The following WDFY2 variants were observed in gnomAD, a reference collection of about 807,000 sequenced individuals.
WDFY2 encodes the protein WD repeat and FYVE domain-containing protein 2.
Under a neutral mutation model 56.4 loss-of-function variants are expected in WDFY2, and 36 were observed. The ratio of observed to expected loss-of-function variants is 0.64; its 90% CI spans 0.49 to 0.84. The LOEUF (loss-of-function observed/expected upper bound fraction) is 0.84. WDFY2 is among the 40% of genes least tolerant of loss of function. WDFY2 has a pLI of 0.00. For synonymous variants in WDFY2, 176 were observed against 183.7 expected, an observed-to-expected ratio of 0.96 and a Z score of 0.34; for missense variants, 444 against 512.2, an observed-to-expected ratio of 0.87 and a Z score of 1.29.
intron 1 of WDFY2, among the ~76,000 whole-genome samples, chr13:51,602,050 A>G (rs928946169): frequency 6.6e-6 from 1 of 152,242 alleles, no homozygotes; most frequent in Non-Finnish European, 1.5e-5. Context: ...TTTGAGTTAT[A>G]TTAGGAAAAG....
intron 3 of WDFY2, among the ~76,000 whole-genome samples, chr13:51,690,185 T>C (rs908420957): frequency 4.0e-3 from 10 of 2,512 alleles, no homozygotes; most frequent in Non-Finnish European, 0.031. Context: ...TTTAGATCAT[T>C]ATATATATAT....
chr13:51,696,932 A>G (rs942158365), intron 3 of WDFY2, among the ~76,000 whole-genome samples: 8 of 152,334 alleles, frequency 5.3e-5, no homozygotes, highest in African/African-American at 1.9e-4. Context: ...ATGACAGAGA[A>G]AGGAAAATAT....
At chr13:51,607,315 A>C (rs1954401406) in intron 1 of WDFY2, among the ~76,000 whole-genome samples, 1 of 152,200 alleles carries the variant, frequency 6.6e-6, no homozygotes, top group South Asian at 2.1e-4. Flanking sequence ...ATGTGTTCAC[A>C]TGGTAGAAAG....
At chr13:51,587,611 C>T (rs1953969372) in intron 1 of WDFY2, 1 of 152,220 alleles carries the variant, frequency 6.6e-6, no homozygotes, top group South Asian at 2.1e-4. Flanking sequence ...ATTCCGTCAA[C>T]AAACATTTGA....
intron 3 of WDFY2, among the ~76,000 whole-genome samples, chr13:51,692,875 T>C (rs2138550937): frequency 6.6e-6 from 1 of 152,300 alleles, no homozygotes; most frequent in East Asian, 1.9e-4. Flanking sequence ...TTTCAGAGCC[T>C]GTTATTGGTC....
At chr13:51,712,308 G>T (rs1026071498) in intron 4 of WDFY2, among the ~76,000 whole-genome samples, 6 of 152,256 alleles carry the variant, frequency 3.9e-5, no homozygotes, top group African/African-American at 1.4e-4. Flanking sequence ...GGTGTGGGGG[G>T]AGCGGGGAGG....
intron 1 of WDFY2, among the ~76,000 whole-genome samples, chr13:51,604,577 C>A (rs1954350518): frequency 6.6e-6 from 1 of 152,114 alleles, no homozygotes; most frequent in South Asian, 2.1e-4. Context: ...ACAATGCTGT[C>A]CCGTATGGTA....
intron 1 of WDFY2, among the ~76,000 whole-genome samples, chr13:51,614,159 C>T (rs12430423): frequency 2.2e-5 from 3 of 139,168 alleles, no homozygotes; most frequent in African/African-American, 8.2e-5. Context: ...GCACCCCAGC[C>T]TGGGCGACAG....
At chr13:51,696,109 C>T (rs1951869758) in intron 3 of WDFY2, among the ~76,000 whole-genome samples, 1 of 152,228 alleles carries the variant, frequency 6.6e-6, no homozygotes, top group African/African-American at 2.4e-5. Flanking sequence ...AAAGGGAACT[C>T]CCTGACCCCT....
At position 51,644,692 on chromosome 13, in the gene WDFY2, G is replaced by T. The variant is rs1285903606; in HGVS notation, c.138-15904G>T. ...CATACCTCTTCTCTAGCCACTGATT[G>T]CTGAGTTGCTACAGCTGTGAGGAAA... is the stretch of plus-strand genomic sequence containing the variant. On this transcript the variant is annotated intron_variant, in intron 1 of 11. Transcript: ENST00000298125. Among the ~76,000 whole-genome samples, 4 of 152,172 alleles carry T rather than the reference G, an allele frequency of 2.6e-5. No individual in the cohort carries two copies. The East Asian group carries it at 7.7e-4, about 29-fold the overall frequency.
chr13:51,598,687 AT>A, intron 1 of WDFY2: 1 of 152,310 alleles, frequency 6.6e-6, no homozygotes, highest in African/African-American at 2.4e-5. Flanking sequence ...CCAAAGAAAT[AT>A]ATATGGTTAT....
intron 4 of WDFY2, among the ~76,000 whole-genome samples, chr13:51,714,368 C>T (rs866149732): frequency 1.3e-5 from 2 of 151,804 alleles, no homozygotes; most frequent in South Asian, 2.1e-4. Flanking sequence ...CTTGGCTCAC[C>T]GCAACCTCTG....
Position 51,719,288 on chromosome 13 carries a change from G to T in WDFY2, c.425G>T (p.Cys142Phe). Residue 142 changes from cysteine to phenylalanine, a missense_variant, in exon 5 of 12, where the codon TGC (cysteine) becomes TTC (phenylalanine). Transcript: ENST00000298125. ...CAGGACAAGCAATTTGCCTGGCACTGCTCTGAGAGTGGGCAGCGCCTGGGA... is the reference window on the plus strand; with the variant it reads ...CAGGACAAGCAATTTGCCTGGCACTTCTCTGAGAGTGGGCAGCGCCTGGGA... ...TGQDKQFAWH[C>F]SESGQRLGGY... 6.2e-7 allele frequency: 1 copy of T among 1,614,074 alleles called. No homozygotes were observed. The highest frequency in any genetic ancestry group is 8.5e-7 in the Non-Finnish European group (1 of 1,179,966).
At chr13:51,712,210 C>G (rs1197970638) in intron 4 of WDFY2, among the ~76,000 whole-genome samples, 1 of 152,136 alleles carries the variant, frequency 6.6e-6, no homozygotes, top group Non-Finnish European at 1.5e-5. Context: ...GAAAACCAAG[C>G]ACCGTATCTT....
rs766596695 is a variant in WDFY2, at chr13:51,759,815, T to C, written c.*46T>C. On this transcript the variant is annotated 3_prime_UTR_variant, in exon 12 of 12. Transcript: ENST00000298125. ...AAGATAGTATTTACTAAAGAAACGG[T>C]TGTTTTAACCCAAATCATTACCAGA... 3.8e-6 allele frequency: 6 copies of C among 1,587,262 alleles called. No individual in the cohort carries two copies. Among genetic ancestry groups the C allele is most frequent in the Non-Finnish European group, 5.2e-6 (6 of 1,157,274 alleles).
At chr13:51,703,517 T>C (rs538286280) in intron 3 of WDFY2, 79 bp from the exon 4 acceptor site, 1 of 1,093,332 alleles carries the variant, frequency 9.1e-7, no homozygotes, top group South Asian at 1.5e-5. Flanking sequence ...CAATTCGCTT[T>C]ATTCAGTCTG....
rs936971637 is a variant in WDFY2, at chr13:51,595,011, C to T, written c.137+10187C>T. On this transcript the variant is annotated intron_variant, in intron 1 of 11. Transcript: ENST00000298125. Reference sequence around the variant, plus strand: ...TTTGTTTTTGTAGAGTTCTGAGCCCCTTTTTTCTTCTCTATTATAGAAGGG... The same window carrying T: ...TTTGTTTTTGTAGAGTTCTGAGCCCTTTTTTTCTTCTCTATTATAGAAGGG... Among the ~76,000 whole-genome samples, 8 of 152,248 alleles carry T rather than the reference C, an allele frequency of 5.3e-5. No individual in the cohort carries two copies. In the East Asian group the frequency reaches 9.6e-4, roughly 18 times the overall value.
At chr13:51,662,193 A>G (rs531064103) in intron 2 of WDFY2, among the ~76,000 whole-genome samples, 5 of 151,920 alleles carry the variant, frequency 3.3e-5, no homozygotes, top group Admixed American at 2.6e-4. Flanking sequence ...CTGGTTTCGA[A>G]CTCCTGACCT....
At chr13:51,585,012 C>T (rs1338978356) in intron 1 of WDFY2, among the ~76,000 whole-genome samples, 188 bp downstream of exon 1, 1 of 152,210 alleles carries the variant, frequency 6.6e-6, no homozygotes, top group Non-Finnish European at 1.5e-5. Flanking sequence ...CTCCGGGAAG[C>T]GGAGCCGGGA....
Sources: gnomAD v4.1 joint callset for allele counts (sites outside exome capture counted in the v4.1 genomes callset) on GRCh38, gnomAD v4.1.1 for gene constraint, MANE v1.5 for transcripts, NCBI Gene and HGNC (gene_info 2026-07-23, HGNC 2026-07-21) for gene names.